Variants in NXPE2 observed in about 807,000 individuals in gnomAD.
The protein encoded by NXPE2 is NXPE family member 2.
Under a neutral mutation model 34.4 loss-of-function variants are expected in NXPE2, and 34 were observed. The observed-to-expected ratio is 0.99, with a 90% confidence interval of 0.75 to 1.31. The LOEUF is 1.31. Ranked by LOEUF, NXPE2 falls within the 40% of genes most tolerant of loss-of-function variation. The probability of loss-of-function intolerance (pLI) is 0.00; values close to 1 mark genes in which losing one functional copy is unlikely to be tolerated. For synonymous variants in NXPE2, 235 were observed against 231.3 expected (o/e 1.02, Z -0.15); for missense variants, 649 against 672.5 (o/e 0.97, Z 0.39).
At chr11:114,620,025 A>G in the NXPE2 span, among the ~76,000 whole-genome samples, 4 of 141,900 alleles carry the variant, frequency 2.8e-5, no homozygotes, top group South Asian at 2.3e-4. Flanking sequence ...TTGTTACCCA[A>G]TGGATACTCA....
the NXPE2 span, among the ~76,000 whole-genome samples, chr11:114,625,110 G>A: frequency 6.6e-6 from 1 of 152,122 alleles, no homozygotes; most frequent in African/African-American, 2.4e-5. Flanking sequence ...AATAAGTATT[G>A]CCTCATGGGT....
the NXPE2 span, among the ~76,000 whole-genome samples, chr11:114,723,466 G>A: frequency 6.6e-6 from 1 of 152,106 alleles, no homozygotes; most frequent in Non-Finnish European, 1.5e-5. Context: ...GGAAGAGGGC[G>A]AAAAACTGAA....
the NXPE2 span, chr11:114,553,900 A>T: frequency 1.0e-6 from 1 of 982,990 alleles, no homozygotes; most frequent in Middle Eastern, 5.2e-4. Flanking sequence ...CGTGGAAGTC[A>T]TCAAAGGCTA....
At chr11:114,698,801 T>A (rs1165425611) in intron 3 of NXPE2, 23 bp downstream of exon 3, 4 of 1,466,578 alleles carry the variant, frequency 2.7e-6, no homozygotes, top group Non-Finnish European at 3.6e-6. Flanking sequence ...TTAAATACAA[T>A]AGCAGATAAA....
the NXPE2 span, among the ~76,000 whole-genome samples, chr11:114,632,224 T>C: frequency 7.1e-6 from 1 of 140,654 alleles, no homozygotes; most frequent in East Asian, 2.0e-4. Context: ...TATATGTATA[T>C]ATGTATAATA....
At chr11:114,543,264 G>A in the NXPE2 span, among the ~76,000 whole-genome samples, 2 of 152,112 alleles carry the variant, frequency 1.3e-5, no homozygotes, top group South Asian at 2.1e-4. Context: ...GCTGAGGCAG[G>A]AGAATTGCTT....
chr11:114,737,238 A>G, the NXPE2 span, among the ~76,000 whole-genome samples: 1 of 152,180 alleles, frequency 6.6e-6, no homozygotes, highest in African/African-American at 2.4e-5. Context: ...CTCTACTGAT[A>G]TCAGTAATAC....
chr11:114,711,217 T>C (rs1859605997), downstream of NXPE2, among the ~76,000 whole-genome samples: 1 of 152,026 alleles, frequency 6.6e-6, no homozygotes, highest in African/African-American at 2.4e-5. Context: ...CTATTCAACA[T>C]AGTACTGAAA....
the NXPE2 span, among the ~76,000 whole-genome samples, chr11:114,476,060 C>G: frequency 6.6e-6 from 1 of 152,178 alleles, no homozygotes; most frequent in African/African-American, 2.4e-5. Flanking sequence ...ATATAATTCA[C>G]ATGGTGACTG....
chr11:114,752,438 C>A, the NXPE2 span, among the ~76,000 whole-genome samples: 2 of 152,194 alleles, frequency 1.3e-5, no homozygotes, highest in African/African-American at 4.8e-5. Context: ...TAAAAGTAAT[C>A]ACTACTTAGT....
the NXPE2 span, among the ~76,000 whole-genome samples, chr11:114,485,336 G>A: frequency 1.3e-5 from 2 of 148,746 alleles, no homozygotes; most frequent in East Asian, 4.0e-4. Context: ...AGCTTCCTGA[G>A]TAGCTGGGAT....
In NXPE2 at chr11:114,695,457, AT is replaced by A. The variant is rs529503165; in HGVS notation, c.133-2584del. ...GGCCAGATGGAGGCTGGGTTTGGGT[AT>A]TTTCCTTACCCCCGATTGATCAGGT... On this transcript the variant is annotated intron_variant, in intron 2 of 5. Transcript: ENST00000389586. Among the ~76,000 whole-genome samples the A allele has an allele frequency of 3.9e-4, 59 of 152,022 alleles. No homozygotes were observed. In the South Asian group the frequency reaches 8.5e-3, roughly 22 times the overall value.
At chr11:114,757,066 C>T in the NXPE2 span, among the ~76,000 whole-genome samples, 1 of 152,002 alleles carries the variant, frequency 6.6e-6, no homozygotes, top group Non-Finnish European at 1.5e-5. Flanking sequence ...AAAGTCTCAG[C>T]GTTCTTCTCA....
chr11:114,812,219 G>A, the NXPE2 span, among the ~76,000 whole-genome samples: 1 of 152,150 alleles, frequency 6.6e-6, no homozygotes, highest in Non-Finnish European at 1.5e-5. Flanking sequence ...CCCAGCTGAG[G>A]ACAAAGGGGG....
chr11:114,488,718 G>T, the NXPE2 span, among the ~76,000 whole-genome samples: 1 of 152,156 alleles, frequency 6.6e-6, no homozygotes, highest in South Asian at 2.1e-4. Flanking sequence ...AATGTGTAGA[G>T]GGAAATTTAT....
chr11:114,564,494 A>G, the NXPE2 span, among the ~76,000 whole-genome samples: 1 of 152,188 alleles, frequency 6.6e-6, no homozygotes, highest in Non-Finnish European at 1.5e-5. Flanking sequence ...GAAATGTATG[A>G]TTTAATTGTA....
the NXPE2 span, among the ~76,000 whole-genome samples, chr11:114,650,240 G>A: frequency 1.3e-5 from 2 of 152,148 alleles, no homozygotes; most frequent in Non-Finnish European, 2.9e-5. Flanking sequence ...GGAAAAAGAG[G>A]AGAGAGCATA....
the NXPE2 span, among the ~76,000 whole-genome samples, chr11:114,588,175 T>C: frequency 1.3e-5 from 2 of 152,098 alleles, no homozygotes; most frequent in Non-Finnish European, 2.9e-5. Flanking sequence ...AGGCCCTTCT[T>C]GTCCTCCCTC....
chr11:114,726,073 T>G, the NXPE2 span, among the ~76,000 whole-genome samples: 1 of 150,508 alleles, frequency 6.6e-6, no homozygotes, highest in African/African-American at 2.4e-5. Context: ...AAAATTCTTT[T>G]AACTTATTTT....
Sources: gnomAD v4.1 joint callset for allele counts (sites outside exome capture counted in the v4.1 genomes callset) on GRCh38, gnomAD v4.1.1 for gene constraint, MANE v1.5 for transcripts, NCBI Gene and HGNC (gene_info 2026-07-23, HGNC 2026-07-21) for gene names.